Variants in EFHC1 observed in about 807,000 individuals in gnomAD.
EFHC1 encodes EF-hand domain containing 1.
In EFHC1, 53 loss-of-function variants were observed where a neutral mutation model predicts 69.9. That is an observed-to-expected ratio of 0.76 (90% CI 0.61 to 0.95). EFHC1 has a LOEUF of 0.95. EFHC1 is among the 40% of genes least tolerant of loss of function. The probability of loss-of-function intolerance (pLI) is 0.00; values close to 1 mark genes in which losing one functional copy is unlikely to be tolerated. For missense variants in EFHC1, 739 were observed against 798.7 expected (o/e 0.93, Z 0.90); for synonymous variants, 256 against 278.4 (o/e 0.92, Z 0.80).
At chr6:52,443,962 A>C (rs548073803) in intron 3 of EFHC1, among the ~76,000 whole-genome samples, 14 of 152,004 alleles carry the variant, frequency 9.2e-5, no homozygotes, top group Admixed American at 3.9e-4. Flanking sequence ...CTTTTATTTC[A>C]TTGAGCAGTG....
rs1766073388 is a variant in EFHC1, at chr6:52,496,776, C to T, written c.*4435C>T. 1 of 152,196 alleles carries T rather than the reference C, an allele frequency of 6.6e-6. No homozygotes were observed. The highest frequency in any genetic ancestry group is 1.5e-5 in the Non-Finnish European group (1 of 68,038). 9.4% of individuals were successfully genotyped at this position (152,196 alleles called of 1,614,324 possible). On this transcript the variant is annotated 3_prime_UTR_variant, in exon 11 of 11. Transcript: ENST00000371068. ...CAACTCTACAATGAAGCTTGCCATG[C>T]ATCAGAACCACTCACCTTCACCTCA...
At chr6:52,426,536 A>G (rs1455612292) in intron 2 of EFHC1, among the ~76,000 whole-genome samples, 2 of 152,190 alleles carry the variant, frequency 1.3e-5, no homozygotes, top group African/African-American at 4.8e-5. Flanking sequence ...ACCTCACCGT[A>G]GAGAATGTCA....
At position 52,464,886 on chromosome 6, in the gene EFHC1, T is replaced by C; in HGVS notation, c.917-9T>C. ...TTCTTTTTTTCTCTCTAACACCATC[T>C]TATATTAGAGAACTTCCCTCAGTGT... On this transcript the variant is annotated splice_polypyrimidine_tract_variant and intron_variant, in intron 5 of 10. Transcript: ENST00000371068. 1 of 1,611,240 alleles carries C rather than the reference T, an allele frequency of 6.2e-7. No individual in the cohort carries two copies. Among genetic ancestry groups the C allele is most frequent in the Admixed American group, 1.7e-5 (1 of 60,018 alleles).
At chr6:52,421,067 A>G (rs1364495864) in intron 1 of EFHC1, 7 of 992,060 alleles carry the variant, frequency 7.1e-6, no homozygotes, top group Admixed American at 1.1e-4. Flanking sequence ...TCTTTCCGCC[A>G]GGTCTTTTTC....
intron 2 of EFHC1, among the ~76,000 whole-genome samples, chr6:52,432,171 A>G (rs1764430856): frequency 6.6e-6 from 1 of 152,052 alleles, no homozygotes; most frequent in African/African-American, 2.4e-5. Context: ...TTTTAATTGG[A>G]GCATTTAGGC....
chr6:52,453,482 A>G (rs1402662299), intron 4 of EFHC1: 21 of 1,287,048 alleles, frequency 1.6e-5, no homozygotes, highest in Non-Finnish European at 2.0e-5. Context: ...TTTTCTTTAG[A>G]CATTTAACCC....
intron 6 of EFHC1, among the ~76,000 whole-genome samples, chr6:52,467,206 G>C (rs1765327109): frequency 6.8e-6 from 1 of 147,718 alleles, no homozygotes; most frequent in Admixed American, 6.8e-5. Flanking sequence ...TTTTAAGACA[G>C]GGTCTTGCTC....
chr6:52,479,041 C>A lies in EFHC1; in HGVS notation c.1283C>A (p.Ser428Tyr). 1 of 1,613,376 alleles carries A rather than the reference C, an allele frequency of 6.2e-7. No homozygotes were observed. The highest frequency in any genetic ancestry group is 8.5e-7 in the Non-Finnish European group (1 of 1,179,878). ...CTCTTTTCTTCACCTTTGTAGGAAT[C>A]CCCCATCCCAGAAGACAAAGACCGC... ...KVLRYLAVLE[S>Y]PIPEDKDRRF... is the part of the protein sequence containing the mutation. Residue 428 changes from serine (S) to tyrosine (Y), a missense_variant, in exon 8 of 11, where the codon TCC becomes TAC. By Grantham distance (144) the Ser-to-Tyr change is moderately radical. Transcript: ENST00000371068.
intron 3 of EFHC1, among the ~76,000 whole-genome samples, chr6:52,450,916 A>G (rs1020550958): frequency 1.3e-5 from 2 of 152,116 alleles, no homozygotes; most frequent in Non-Finnish European, 2.9e-5. Flanking sequence ...CTCCTGCCTC[A>G]GCCTCCCGAG....
chr6:52,451,078 G>A (rs1764907138), intron 3 of EFHC1, among the ~76,000 whole-genome samples: 1 of 152,200 alleles, frequency 6.6e-6, no homozygotes, highest in Admixed American at 6.5e-5. Context: ...GGGATTACAG[G>A]CATGAGCCAC....
At position 52,493,750 on chromosome 6, in the gene EFHC1, C is replaced by G. The variant is rs1322253887; in HGVS notation, c.*1409C>G. 1 of 454,040 alleles carries G rather than the reference C, an allele frequency of 2.2e-6. No individual in the cohort carries two copies. The highest frequency in any genetic ancestry group is 2.0e-5 in the African/African-American group (1 of 50,088). The allele number at this position is 454,040 out of a possible 1,614,324, so 28.1% of individuals were successfully genotyped here. A position where few individuals can be genotyped will look rare whatever the true frequency, so the allele number is the denominator to read the frequency against. On this transcript the variant is annotated 3_prime_UTR_variant, in exon 11 of 11. Coordinates refer to ENST00000371068, the MANE Select transcript of EFHC1 (RefSeq NM_018100.4). ...TGCAGTTACTATTCTCTGGTGAGCT[C>G]TGACTGGCTTTTTACAAACAGGGCT...
chr6:52,443,403 G>C (rs1276564886), intron 3 of EFHC1, among the ~76,000 whole-genome samples: 2 of 152,154 alleles, frequency 1.3e-5, no homozygotes, highest in Non-Finnish European at 1.5e-5. Flanking sequence ...TTTTCTTCTA[G>C]GGTGTTTATG....
At position 52,494,714 on chromosome 6, in the gene EFHC1, A is replaced by G. The variant is rs1359339436; in HGVS notation, c.*2373A>G. On this transcript the variant is annotated 3_prime_UTR_variant, in exon 11 of 11. Coordinates refer to ENST00000371068, the MANE Select transcript of EFHC1 (RefSeq NM_018100.4). ...CCCCTCCTTCCCTTCCCACTCTGGT[A>G]GTCCCCAGTGTCTATTGTTCCCATC... 2 of 453,914 alleles carry G rather than the reference A, an allele frequency of 4.4e-6. No individual in the cohort carries two copies. The highest frequency in any genetic ancestry group is 4.4e-6 in the Non-Finnish European group (1 of 226,778). 28.1% of individuals were successfully genotyped at this position (453,914 alleles called of 1,614,324 possible).
intron 2 of EFHC1, among the ~76,000 whole-genome samples, chr6:52,434,452 G>T (rs1764485931): frequency 6.6e-6 from 1 of 152,120 alleles, no homozygotes; most frequent in South Asian, 2.1e-4. Flanking sequence ...AGACCTTCAG[G>T]TTCCTCAGTG....
chr6:52,433,744 G>GT (rs1764465864), intron 2 of EFHC1, among the ~76,000 whole-genome samples: 1 of 151,844 alleles, frequency 6.6e-6, no homozygotes, highest in African/African-American at 2.4e-5. Flanking sequence ...ACTCCCAAGA[G>GT]TATATGCCCT....
At position 52,496,458 on chromosome 6, in the gene EFHC1, A is replaced by G. The variant is rs989759829; in HGVS notation, c.*4117A>G. 1 of 152,166 alleles carries G rather than the reference A, an allele frequency of 6.6e-6. No individual in the cohort carries two copies. Among genetic ancestry groups the G allele is most frequent in the Non-Finnish European group, 1.5e-5 (1 of 68,042 alleles). 9.4% of individuals were successfully genotyped at this position (152,166 alleles called of 1,614,324 possible). A position where few individuals can be genotyped will look rare whatever the true frequency, so the allele number is the denominator to read the frequency against. On this transcript the variant is annotated 3_prime_UTR_variant, in exon 11 of 11. Coordinates refer to ENST00000371068, the MANE Select transcript of EFHC1 (RefSeq NM_018100.4). The stretch of plus-strand genomic sequence containing the variant: ...CATCCAATTAAGGTGTATCAAATCC[A>G]TATCTATAGGCTTTGAGGGTATTTG...
chr6:52,470,891 T>G (rs1449179350), intron 7 of EFHC1, among the ~76,000 whole-genome samples: 2 of 152,244 alleles, frequency 1.3e-5, no homozygotes, highest in East Asian at 3.8e-4. Context: ...ACAAGCAACC[T>G]GGTCAAACAT....
At position 52,444,721 on chromosome 6, in the gene EFHC1, G is replaced by T. The variant is rs189442761; in HGVS notation, c.573+6130G>T. 3.5e-3 allele frequency among the ~76,000 whole-genome samples: 533 copies of T among 152,278 alleles called. 3 individuals are homozygous for T. Among genetic ancestry groups the T allele is most frequent in the African/African-American group, 0.012 (503 of 41,558 alleles). Reference sequence around the variant, plus strand: ...TTTTATGGAGGATTTTTGCATCGATGTTTATCAGGGATATTGGTCTAAAAT... The same window carrying T: ...TTTTATGGAGGATTTTTGCATCGATTTTTATCAGGGATATTGGTCTAAAAT... On this transcript the variant is annotated intron_variant, in intron 3 of 10. Transcript: ENST00000371068.
intron 3 of EFHC1, among the ~76,000 whole-genome samples, chr6:52,446,500 T>G (rs1764789881): frequency 6.6e-6 from 1 of 152,230 alleles, no homozygotes; most frequent in Non-Finnish European, 1.5e-5. Flanking sequence ...CTGATGGGTC[T>G]TGAGTCTTTA....
Sources: allele counts gnomAD v4.1 joint callset (sites outside exome capture counted in the v4.1 genomes callset), GRCh38; gene constraint gnomAD v4.1.1; transcripts MANE v1.5; gene names NCBI Gene and HGNC (gene_info 2026-07-23, HGNC 2026-07-21).